Variants in APBB2 observed in about 807,000 individuals in gnomAD.
APBB2 encodes amyloid beta precursor protein binding family B member 2, also known as Fe65-like 1.
APBB2 carries 38 observed loss-of-function variants against 82.5 expected under a neutral mutation model. That is an observed-to-expected ratio of 0.46 (90% CI 0.36 to 0.60). The LOEUF is 0.60. APBB2 is among the 20% of genes least tolerant of loss of function. The probability of loss-of-function intolerance (pLI) is 0.00; values close to 1 mark genes in which losing one functional copy is unlikely to be tolerated. For synonymous variants in APBB2, 341 were observed against 368.2 expected (o/e 0.93, Z 0.85); for missense variants, 772 against 972.3 (o/e 0.79, Z 2.74).
intron 10 of APBB2, among the ~76,000 whole-genome samples, chr4:40,896,069 CTT>C (rs34037610): frequency 3.4e-5 from 5 of 145,774 alleles, no homozygotes; most frequent in Admixed American, 6.8e-5. Context: ...CAATACAGTT[CTT>C]TTTTTTTTTT....
At chr4:40,828,327 G>A (rs1750657368) in intron 13 of APBB2, among the ~76,000 whole-genome samples, 1 of 152,154 alleles carries the variant, frequency 6.6e-6, no homozygotes, top group Non-Finnish European at 1.5e-5. Flanking sequence ...TTTAGGGACT[G>A]AAAGAAGCCC....
At chr4:41,173,932 T>C (rs1769039837) in intron 1 of APBB2, among the ~76,000 whole-genome samples, 1 of 151,396 alleles carries the variant, frequency 6.6e-6, no homozygotes, top group African/African-American at 2.5e-5. Flanking sequence ...CAAACCCCAG[T>C]GTTAAAGATG....
intron 4 of APBB2, among the ~76,000 whole-genome samples, chr4:41,057,518 A>G (rs779005401): frequency 3.9e-5 from 6 of 152,242 alleles, no homozygotes; most frequent in Non-Finnish European, 8.8e-5. Flanking sequence ...GTATATATTC[A>G]TAACAGAAAG....
chr4:41,195,777 A>G, intron 1 of APBB2, among the ~76,000 whole-genome samples: 1 of 152,076 alleles, frequency 6.6e-6, no homozygotes, highest in Non-Finnish European at 1.5e-5. Context: ...CACCCTGCTG[A>G]CATCCTCCAC....
chr4:41,062,572 G>A (rs1730263988), intron 4 of APBB2, among the ~76,000 whole-genome samples: 1 of 152,132 alleles, frequency 6.6e-6, no homozygotes, highest in African/African-American at 2.4e-5. Context: ...GCCTTGGACT[G>A]AGGGATCAAC....
intron 1 of APBB2, among the ~76,000 whole-genome samples, chr4:41,160,116 C>G (rs1042824623): frequency 6.6e-6 from 1 of 152,016 alleles, no homozygotes; most frequent in Non-Finnish European, 1.5e-5. Context: ...AACAAGGCCA[C>G]GGAGGTGATT....
chr4:40,873,211 C>T (rs73148557), intron 12 of APBB2, among the ~76,000 whole-genome samples: 6,744 of 152,062 alleles, frequency 0.044, 505 homozygotes, highest in African/African-American at 0.15. Context: ...AAGAGAATGA[C>T]TGACAATGTT....
intron 6 of APBB2, among the ~76,000 whole-genome samples, chr4:40,945,887 C>T (rs747076823): frequency 3.9e-5 from 6 of 152,220 alleles, no homozygotes; most frequent in South Asian, 4.1e-4. Context: ...GGACTACAGG[C>T]GTGAGCCACT....
chr4:41,132,320 G>A (rs1483033820), intron 2 of APBB2, among the ~76,000 whole-genome samples: 1 of 152,150 alleles, frequency 6.6e-6, no homozygotes, highest in Non-Finnish European at 1.5e-5. Context: ...AGAGTTTAGA[G>A]GAATCATCTC....
chr4:41,173,366 T>C (rs1232225758), intron 1 of APBB2, among the ~76,000 whole-genome samples: 1 of 152,190 alleles, frequency 6.6e-6, no homozygotes. Flanking sequence ...CCAGGCAATA[T>C]TCTCAGGCAA....
At chr4:41,198,339 G>A in intron 1 of APBB2, among the ~76,000 whole-genome samples, 1 of 152,318 alleles carries the variant, frequency 6.6e-6, no homozygotes, top group East Asian at 1.9e-4. Context: ...TTACTGGCTA[G>A]CATATGGCCT....
chr4:41,171,571 C>T (rs1768265464), intron 1 of APBB2, among the ~76,000 whole-genome samples: 1 of 152,216 alleles, frequency 6.6e-6, no homozygotes. Context: ...AGCTGAGTAA[C>T]CATTTCATAA....
At chr4:40,857,345 A>T (rs1050602926) in intron 12 of APBB2, among the ~76,000 whole-genome samples, 2 of 152,018 alleles carry the variant, frequency 1.3e-5, no homozygotes, top group Non-Finnish European at 2.9e-5. Flanking sequence ...AGGATCCCCC[A>T]CCCCAACATA....
chr4:40,886,773 T>G (rs1770432155), intron 12 of APBB2, among the ~76,000 whole-genome samples: 1 of 152,120 alleles, frequency 6.6e-6, no homozygotes, highest in African/African-American at 2.4e-5. Flanking sequence ...GCGTACGTCC[T>G]CCTTTGCACA....
intron 1 of APBB2, among the ~76,000 whole-genome samples, chr4:41,159,961 G>GAGGAGA (rs1764560364): frequency 5.0e-4 from 16 of 31,990 alleles, no homozygotes; most frequent in African/African-American, 1.3e-3. Flanking sequence ...GAAGGAGAAG[G>GAGGAGA]AGAAGAAGAA....
At chr4:41,140,713 T>G (rs1440749442) in intron 2 of APBB2, among the ~76,000 whole-genome samples, 1 of 152,194 alleles carries the variant, frequency 6.6e-6, no homozygotes, top group Non-Finnish European at 1.5e-5. Flanking sequence ...TCACGTTACC[T>G]CCTGGGCTCT....
At chr4:41,006,547 T>C (rs2154424911) in intron 6 of APBB2, among the ~76,000 whole-genome samples, 1 of 151,556 alleles carries the variant, frequency 6.6e-6, no homozygotes, top group Admixed American at 6.6e-5. Context: ...CACTGCAACC[T>C]CCACCTCCTG....
At chr4:40,870,252 C>A (rs994877465) in intron 12 of APBB2, among the ~76,000 whole-genome samples, 1 of 152,206 alleles carries the variant, frequency 6.6e-6, no homozygotes, top group Admixed American at 6.5e-5. Context: ...ACTGTGCCCA[C>A]CACTGCCAGT....
At chr4:41,033,622 A>ACACACACACACAC (rs58793449) in intron 4 of APBB2, among the ~76,000 whole-genome samples, 1 of 143,132 alleles carries the variant, frequency 7.0e-6, no homozygotes, top group African/African-American at 2.6e-5. Context: ...ACACACACAC[A>ACACACACACACAC]ATTCAGCACC....
Sources: gnomAD v4.1 joint callset for allele counts (sites outside exome capture counted in the v4.1 genomes callset) on GRCh38, gnomAD v4.1.1 for gene constraint, MANE v1.5 for transcripts, NCBI Gene and HGNC (gene_info 2026-07-23, HGNC 2026-07-21) for gene names.